The following ELAVL2 variants were observed in gnomAD, a reference collection of about 807,000 sequenced individuals.
ELAVL2 encodes the protein ELAV-like protein 2.
ELAVL2 carries 4 observed loss-of-function variants against 34.6 expected under a neutral mutation model. The observed-to-expected ratio is 0.12, with a 90% CI of 0.06 to 0.26. The LOEUF is 0.26. Ranked by LOEUF, ELAVL2 falls within the 10% of genes least tolerant of loss-of-function variation. ELAVL2 has a pLI of 1.00. For synonymous variants in ELAVL2, 193 were observed against 154.8 expected, an observed-to-expected ratio of 1.25 and a Z score of -1.83; for missense variants, 432 against 442.8, an observed-to-expected ratio of 0.98 and a Z score of 0.22.
chr9:23,785,095 G>A (rs2136979422), intron 1 of ELAVL2, among the ~76,000 whole-genome samples: 1 of 152,264 alleles, frequency 6.6e-6, no homozygotes, highest in South Asian at 2.1e-4. Flanking sequence ...TGGCAAAACA[G>A]AGTTGACAAA....
rs2137125672 is a variant in ELAVL2, at chr9:23,788,911, T to G, written c.-15-26662A>C. 1.3e-5 allele frequency among the ~76,000 whole-genome samples: 2 copies of G among 152,304 alleles called. 1 individual carries two copies. The highest frequency in any genetic ancestry group is 1.3e-4 in the Admixed American group (2 of 15,298). ...ACGCAGTGTAAAACTTGTGAATTGT[T>G]TATGCCTGGAATTTTCCATTTAATA... On this transcript the variant is annotated intron_variant, in intron 1 of 6. Transcript: ENST00000397312.
chr9:23,695,626 T>TA (rs1405026788), intron 5 of ELAVL2, among the ~76,000 whole-genome samples: 2 of 152,312 alleles, frequency 1.3e-5, no homozygotes, highest in Admixed American at 6.5e-5. Flanking sequence ...CACCTAGTTA[T>TA]ATGGTATGGG....
intron 2 of ELAVL2, chr9:23,735,434 C>T (rs1423951284): frequency 1.3e-5 from 2 of 152,052 alleles, no homozygotes; most frequent in Non-Finnish European, 2.9e-5. Context: ...TGCATCACCA[C>T]ACCCAGCTAT....
At chr9:23,750,531 G>C (rs2051686114) in intron 2 of ELAVL2, among the ~76,000 whole-genome samples, 1 of 152,100 alleles carries the variant, frequency 6.6e-6, no homozygotes, top group African/African-American at 2.4e-5. Flanking sequence ...TACACTGTCT[G>C]CACCATATAA....
chr9:23,691,515 A>AT lies in ELAVL2; in HGVS notation c.*1041dup, dbSNP rs1198213982. On this transcript the variant is annotated 3_prime_UTR_variant, in exon 7 of 7. Transcript: ENST00000397312. ...GAAGGGATTTCTTTAGGAAGAACAG[A>AT]TTTTTTCCCCCATCTCTCGGTAATT... 1.3e-5 allele frequency: 2 copies of AT among 152,184 alleles called. No individual in the cohort carries two copies. The highest frequency in any genetic ancestry group is 6.6e-5 in the Admixed American group (1 of 15,244). 9.4% of individuals were successfully genotyped at this position (152,184 alleles called of 1,614,324 possible).
At chr9:23,733,863 T>C (rs1461419769) in intron 2 of ELAVL2, among the ~76,000 whole-genome samples, 1 of 152,110 alleles carries the variant, frequency 6.6e-6, no homozygotes, top group Non-Finnish European at 1.5e-5. Flanking sequence ...GACCCAACCA[T>C]CAAATGGGTC....
intron 1 of ELAVL2, among the ~76,000 whole-genome samples, chr9:23,811,035 G>C (rs1164679649): frequency 6.6e-6 from 1 of 152,130 alleles, no homozygotes; most frequent in African/African-American, 2.4e-5. Context: ...TCTCAAGGGA[G>C]AGTCATTTGG....
chr9:23,762,839 C>T (rs2055348042), intron 1 of ELAVL2, among the ~76,000 whole-genome samples: 1 of 151,924 alleles, frequency 6.6e-6, no homozygotes, highest in South Asian at 2.1e-4. Context: ...CTTATCTCTA[C>T]CATTGGTAAG....
intron 1 of ELAVL2, among the ~76,000 whole-genome samples, chr9:23,798,593 A>G (rs2061236019): frequency 6.6e-6 from 1 of 152,164 alleles, no homozygotes; most frequent in Non-Finnish European, 1.5e-5. Flanking sequence ...ACCCTTTGAC[A>G]TCTGATAAAT....
chr9:23,736,605 G>C (rs934280164), intron 2 of ELAVL2, among the ~76,000 whole-genome samples: 2 of 152,100 alleles, frequency 1.3e-5, no homozygotes, highest in African/African-American at 4.8e-5. Context: ...TGTGCAAGAC[G>C]TTCCAGCCCA....
At chr9:23,823,853 T>C (rs746543505) in intron 1 of ELAVL2, among the ~76,000 whole-genome samples, 8 of 152,230 alleles carry the variant, frequency 5.3e-5, no homozygotes, top group Admixed American at 2.6e-4. Context: ...AAAATTTTCA[T>C]TGTAAGTCTA....
chr9:23,756,149 G>C (rs2053510928), intron 2 of ELAVL2, among the ~76,000 whole-genome samples: 1 of 152,088 alleles, frequency 6.6e-6, no homozygotes, highest in South Asian at 2.1e-4. Context: ...ATAGAATAAA[G>C]AAGGATCAAA....
intron 1 of ELAVL2, among the ~76,000 whole-genome samples, chr9:23,800,473 G>A (rs1051896084): frequency 1.3e-5 from 2 of 152,162 alleles, no homozygotes; most frequent in African/African-American, 4.8e-5. Flanking sequence ...GACCTCACAA[G>A]CTGCAGAACA....
rs77491258 is a variant in ELAVL2 at position 23,740,476 on chromosome 9, T to C, written c.230-9351A>G. ...GTGTACACTTTGTTGCCTTTGGCCA[T>C]GTGTGGAAATTACTTTGTGGCAGAA... On this transcript the variant is annotated intron_variant, in intron 2 of 6. Transcript: ENST00000397312. Among the ~76,000 whole-genome samples, 232 of 152,320 alleles carry C rather than the reference T, an allele frequency of 1.5e-3. 1 individual carries two copies. The highest frequency in any genetic ancestry group is 6.8e-3 in the Middle Eastern group (2 of 294).
At chr9:23,697,331 G>C (rs113247176) in intron 5 of ELAVL2, among the ~76,000 whole-genome samples, 228 of 152,266 alleles carry the variant, frequency 1.5e-3, no homozygotes, top group African/African-American at 5.2e-3. Flanking sequence ...TTAGACACAA[G>C]ATAATCCAAC....
chr9:23,718,581 G>C (rs550519353), intron 3 of ELAVL2, among the ~76,000 whole-genome samples: 1 of 152,274 alleles, frequency 6.6e-6, no homozygotes, highest in South Asian at 2.1e-4. Context: ...GTATGATAAA[G>C]GAGAAAGCAA....
chr9:23,725,401 C>T (rs1482564327), intron 3 of ELAVL2, among the ~76,000 whole-genome samples: 1 of 152,118 alleles, frequency 6.6e-6, no homozygotes, highest in Non-Finnish European at 1.5e-5. Flanking sequence ...CATGAACTCC[C>T]AGCATTATGG....
At position 23,808,082 on chromosome 9, in the gene ELAVL2, G is replaced by A. The variant is rs558974146; in HGVS notation, c.-16+17724C>T. 1.1e-4 allele frequency among the ~76,000 whole-genome samples: 16 copies of A among 152,188 alleles called. No individual in the cohort carries two copies. The South Asian group carries it at 2.1e-3, about 20-fold the overall frequency. On this transcript the variant is annotated intron_variant, in intron 1 of 6. Transcript: ENST00000397312. ...TCAAAGTTCACCATCAATTTATCAA[G>A]GAGAATAGAGTTTAATTTTAGGACC...
At chr9:23,713,567 G>A (rs1392611331) in intron 3 of ELAVL2, among the ~76,000 whole-genome samples, 6 of 152,070 alleles carry the variant, frequency 3.9e-5, no homozygotes, top group Non-Finnish European at 8.8e-5. Context: ...CCTACCGGTA[G>A]CTCTCTGCAT....
Sources: gnomAD v4.1 joint callset for allele counts (sites outside exome capture counted in the v4.1 genomes callset) on GRCh38, gnomAD v4.1.1 for gene constraint, MANE v1.5 for transcripts, NCBI Gene and HGNC (gene_info 2026-07-23, HGNC 2026-07-21) for gene names.